NPIPB2: variants seen among roughly 807,000 people sequenced by gnomAD.
NPIPB2 encodes the protein nuclear pore complex-interacting protein family member B2.
NPIPB2 carries 27 observed loss-of-function variants against 30.8 expected under a neutral mutation model. The observed-to-expected ratio is 0.88, with a 90% confidence interval of 0.65 to 1.21. The LOEUF (loss-of-function observed/expected upper bound fraction) is 1.21. Among genes scored for constraint, NPIPB2 ranks in the 50% most tolerant of loss-of-function variants. The probability of loss-of-function intolerance (pLI) is 0.00; values close to 1 mark genes in which losing one functional copy is unlikely to be tolerated. For synonymous variants in NPIPB2, 147 were observed against 162.0 expected (o/e 0.91, Z 0.70); for missense variants, 440 against 446.2 (o/e 0.99, Z 0.13).
chr16:11,971,175 C>A (rs1170640223), intron 1 of NPIPB2, among the ~76,000 whole-genome samples: 1 of 152,008 alleles, frequency 6.6e-6, no homozygotes. Context: ...GCATTTTCAT[C>A]TGCTACATTG....
At chr16:11,950,777 C>T (rs532151630) in intron 1 of NPIPB2, among the ~76,000 whole-genome samples, 8 of 152,216 alleles carry the variant, frequency 5.3e-5, no homozygotes, top group African/African-American at 1.7e-4. Flanking sequence ...ATGTGTCAGA[C>T]ACTGGGAACA....
In NPIPB2 at chr16:11,962,367, C is replaced by T. The variant is rs553979159; in HGVS notation, c.-584+14201G>A. Among the ~76,000 whole-genome samples, 13 of 151,798 alleles carry T rather than the reference C, an allele frequency of 8.6e-5. No homozygotes were observed. In the South Asian group the frequency reaches 2.1e-3, roughly 24 times the overall value. ...TACAAATATTAGCTGGGCATGGTGGCGCATGCCTGTAATCCCGGATCATGA... is the reference window on the plus strand; with the variant it reads ...TACAAATATTAGCTGGGCATGGTGGTGCATGCCTGTAATCCCGGATCATGA... On this transcript the variant is annotated intron_variant, in intron 1 of 5. Transcript: ENST00000538896.
chr16:11,967,483 C>A, intron 1 of NPIPB2: 1 of 1,358,128 alleles, frequency 7.4e-7, no homozygotes, highest in Non-Finnish European at 1.0e-6. Context: ...TCTCACATTG[C>A]TTTGAGTCCC....
At chr16:11,957,284 C>T (rs1039007040) in intron 1 of NPIPB2, among the ~76,000 whole-genome samples, 38 of 151,946 alleles carry the variant, frequency 2.5e-4, no homozygotes, top group African/African-American at 8.9e-4. Context: ...CCTGCCTCAG[C>T]CTCCCGAGTA....
exon 8 of NPIPB2, chr16:11,927,809 G>A: frequency 1.3e-6 from 2 of 1,499,194 alleles, no homozygotes; most frequent in Non-Finnish European, 1.8e-6. Flanking sequence ...GTTTTTTAAA[G>A]TTTCAGCTGT....
At chr16:11,970,023 G>A (rs1209614258) in intron 1 of NPIPB2, among the ~76,000 whole-genome samples, 11 of 150,152 alleles carry the variant, frequency 7.3e-5, no homozygotes, top group Admixed American at 2.7e-4. Context: ...CACCACACCC[G>A]GCCTATACTA....
chr16:11,976,585 CGT>C, exon 1 of NPIPB2: 1 of 361,966 alleles, frequency 2.8e-6, no homozygotes, highest in Non-Finnish European at 4.9e-6. Flanking sequence ...CTCCAGCCCG[CGT>C]AGCCTCAGCA....
At chr16:11,956,939 C>T (rs545679795) in intron 1 of NPIPB2, among the ~76,000 whole-genome samples, 11 of 152,318 alleles carry the variant, frequency 7.2e-5, no homozygotes, top group Non-Finnish European at 1.0e-4. Context: ...CTCATTTAGG[C>T]AGCACCAATT....
chr16:11,970,827 C>T (rs1198318833), intron 1 of NPIPB2, among the ~76,000 whole-genome samples: 2 of 151,714 alleles, frequency 1.3e-5, no homozygotes, highest in Non-Finnish European at 2.9e-5. Context: ...AGCCACCGCG[C>T]CTGGCCTAAA....
upstream of NPIPB2, among the ~76,000 whole-genome samples, chr16:11,946,364 A>T (rs1223807635): frequency 6.7e-6 from 1 of 148,162 alleles, no homozygotes; most frequent in Non-Finnish European, 1.5e-5. Flanking sequence ...CAGCCTGGGC[A>T]ATAAAAGCTA....
chr16:11,933,130 G>C (rs2054813597), intron 4 of NPIPB2, among the ~76,000 whole-genome samples: 1 of 151,590 alleles, frequency 6.6e-6, no homozygotes, highest in Non-Finnish European at 1.5e-5. Context: ...GCGTGGTGGT[G>C]GGCACCTGTA....
intron 1 of NPIPB2, chr16:11,967,719 T>C (rs2055206800): frequency 6.2e-7 from 1 of 1,614,068 alleles, no homozygotes; most frequent in Non-Finnish European, 8.5e-7. Context: ...CTCTGACCAT[T>C]GCTTTCCACT....
intron 1 of NPIPB2, chr16:11,968,721 T>A (rs1481877325): frequency 6.6e-6 from 1 of 152,202 alleles, no homozygotes; most frequent in African/African-American, 2.4e-5. Context: ...TCCACTGAGG[T>A]TGTTGCAAAC....
At chr16:11,939,099 C>T (rs1273038985) in intron 1 of NPIPB2, among the ~76,000 whole-genome samples, 2 of 151,918 alleles carry the variant, frequency 1.3e-5, no homozygotes, top group African/African-American at 4.8e-5. Flanking sequence ...TGATGTATAA[C>T]ATTGGATGCA....
chr16:11,953,496 G>C (rs1034488792), intron 1 of NPIPB2, among the ~76,000 whole-genome samples: 1 of 151,950 alleles, frequency 6.6e-6, no homozygotes, highest in Non-Finnish European at 1.5e-5. Context: ...GACTACAGGT[G>C]CATGCCACCA....
intron 1 of NPIPB2, among the ~76,000 whole-genome samples, chr16:11,948,055 G>C (rs569936334): frequency 5.3e-5 from 8 of 150,202 alleles, no homozygotes; most frequent in Non-Finnish European, 1.2e-4. Flanking sequence ...TCCACATCCT[G>C]TCTCCTACTT....
At chr16:11,960,304 G>C (rs1201867721) in intron 1 of NPIPB2, among the ~76,000 whole-genome samples, 3 of 151,158 alleles carry the variant, frequency 2.0e-5, no homozygotes, top group African/African-American at 7.3e-5. Flanking sequence ...TTTCCAAAGA[G>C]TTAGCAAAGC....
chr16:11,967,111 C>A, intron 1 of NPIPB2: 1 of 206,096 alleles, frequency 4.9e-6, no homozygotes. Flanking sequence ...AACAATTCTC[C>A]CATCTCAGCC....
intron 4 of NPIPB2, among the ~76,000 whole-genome samples, chr16:11,933,291 T>C (rs1344649753): frequency 6.7e-6 from 1 of 148,620 alleles, no homozygotes. Context: ...GGAAAACCAA[T>C]GCCAGTACTA....
Sources: gnomAD v4.1 joint callset for allele counts (sites outside exome capture counted in the v4.1 genomes callset) on GRCh38, gnomAD v4.1.1 for gene constraint, MANE v1.5 for transcripts, NCBI Gene and HGNC (gene_info 2026-07-23, HGNC 2026-07-21) for gene names.